PDGFRL: variants seen among roughly 807,000 people sequenced by gnomAD.
The protein encoded by PDGFRL is platelet-derived growth factor receptor-like protein.
PDGFRL carries 46 observed loss-of-function variants against 37.2 expected under a neutral mutation model. That is an observed-to-expected ratio of 1.24 (90% CI 0.98 to 1.58). PDGFRL has a LOEUF of 1.58. PDGFRL is among the 40% of genes most tolerant of loss of function. PDGFRL has a pLI of 0.00. For synonymous variants in PDGFRL, 251 were observed against 184.3 expected (o/e 1.36, Z -2.93); for missense variants, 692 against 467.6 (o/e 1.48, Z -4.43).
intron 2 of PDGFRL, among the ~76,000 whole-genome samples, chr8:17,616,350 G>A (rs1443759945): frequency 2.0e-5 from 3 of 151,874 alleles, no homozygotes; most frequent in Non-Finnish European, 2.9e-5. Context: ...ATGCACCACC[G>A]CGCCCAGCTA....
intron 2 of PDGFRL, among the ~76,000 whole-genome samples, chr8:17,612,091 C>T (rs1050631797): frequency 1.3e-5 from 2 of 152,132 alleles, no homozygotes; most frequent in Non-Finnish European, 2.9e-5. Context: ...TGTTATACTC[C>T]AGTTGGCAGT....
chr8:17,620,191 G>A (rs940838442), intron 2 of PDGFRL, among the ~76,000 whole-genome samples: 13 of 152,114 alleles, frequency 8.5e-5, no homozygotes, highest in African/African-American at 2.9e-4. Flanking sequence ...CAAACTCCTG[G>A]CCTCAAGTTA....
intron 2 of PDGFRL, among the ~76,000 whole-genome samples, chr8:17,590,642 G>A (rs904537460): frequency 2.0e-5 from 3 of 151,796 alleles, no homozygotes; most frequent in Non-Finnish European, 4.4e-5. Flanking sequence ...AACCCGGGAT[G>A]CAGAGGTTAC....
At chr8:17,583,986 C>T (rs1170642525) in intron 1 of PDGFRL, among the ~76,000 whole-genome samples, 5 of 152,136 alleles carry the variant, frequency 3.3e-5, no homozygotes, top group African/African-American at 4.8e-5. Context: ...TTTATAGCCA[C>T]ATAGACGGCC....
At chr8:17,632,633 G>A (rs894828965) in intron 4 of PDGFRL, among the ~76,000 whole-genome samples, 3 of 152,146 alleles carry the variant, frequency 2.0e-5, no homozygotes, top group Non-Finnish European at 4.4e-5. Context: ...CACTGTGCCC[G>A]TTCCCTGATT....
chr8:17,637,436 ACTAT>A (rs1413478886), intron 5 of PDGFRL, among the ~76,000 whole-genome samples: 22 of 152,274 alleles, frequency 1.4e-4, no homozygotes, highest in Admixed American at 4.6e-4. Flanking sequence ...ATCATGGTGG[ACTAT>A]CTATTTGATA....
intron 2 of PDGFRL, among the ~76,000 whole-genome samples, chr8:17,597,365 G>A (rs930658343): frequency 1.3e-5 from 2 of 152,182 alleles, no homozygotes; most frequent in Non-Finnish European, 2.9e-5. Flanking sequence ...CTGGAAGCAC[G>A]ACCACATTTA....
intron 2 of PDGFRL, among the ~76,000 whole-genome samples, chr8:17,592,287 T>C (rs1481970378): frequency 6.6e-6 from 1 of 152,238 alleles, no homozygotes; most frequent in Non-Finnish European, 1.5e-5. Context: ...TTGAGCCTTC[T>C]TCCAGGAATG....
chr8:17,618,028 C>A (rs1023637550), intron 2 of PDGFRL, among the ~76,000 whole-genome samples: 3 of 151,880 alleles, frequency 2.0e-5, no homozygotes, highest in Admixed American at 6.6e-5. Context: ...AATCTAGCTT[C>A]ATCCTTAAAA....
At chr8:17,621,309 C>G (rs895214215) in intron 3 of PDGFRL, 107 bp downstream of exon 3, 2 of 681,252 alleles carry the variant, frequency 2.9e-6, no homozygotes, top group Non-Finnish European at 4.8e-6. Context: ...AATCAGAGCA[C>G]TTCCTGTTTG....
At chr8:17,633,406 T>C (rs1804901754) in intron 4 of PDGFRL, among the ~76,000 whole-genome samples, 2 of 152,110 alleles carry the variant, frequency 1.3e-5, no homozygotes, top group Non-Finnish European at 2.9e-5. Flanking sequence ...CAGGCGCCTG[T>C]AGTCCCAGCT....
At chr8:17,607,465 T>C (rs933047765) in intron 2 of PDGFRL, among the ~76,000 whole-genome samples, 1 of 152,208 alleles carries the variant, frequency 6.6e-6, no homozygotes, top group Admixed American at 6.5e-5. Context: ...GCATTTCTGG[T>C]AAGTCTAGGA....
chr8:17,637,433 T>C (rs1804995075), intron 5 of PDGFRL, among the ~76,000 whole-genome samples: 1 of 152,212 alleles, frequency 6.6e-6, no homozygotes, highest in African/African-American at 2.4e-5. Flanking sequence ...TTGATCATGG[T>C]GGACTATCTA....
chr8:17,585,945 T>G (rs1362444300), intron 1 of PDGFRL, among the ~76,000 whole-genome samples: 3 of 148,616 alleles, frequency 2.0e-5, no homozygotes, highest in Non-Finnish European at 3.0e-5. Context: ...GGTTTTGGGG[T>G]TTTTGTCTGT....
chr8:17,579,654 C>T (rs912365691), intron 1 of PDGFRL, among the ~76,000 whole-genome samples: 1 of 151,778 alleles, frequency 6.6e-6, no homozygotes, highest in Non-Finnish European at 1.5e-5. Flanking sequence ...GCGACTTCCA[C>T]TTGTGCTAGC....
chr8:17,615,774 C>T (rs1005526668), intron 2 of PDGFRL, among the ~76,000 whole-genome samples: 2 of 152,218 alleles, frequency 1.3e-5, no homozygotes, highest in South Asian at 2.1e-4. Flanking sequence ...AAAAATTAGC[C>T]GGATGTGGTG....
intron 5 of PDGFRL, among the ~76,000 whole-genome samples, chr8:17,635,868 T>C (rs1403925542): frequency 1.3e-5 from 2 of 152,256 alleles, no homozygotes; most frequent in Admixed American, 1.3e-4. Context: ...ATTTCCCTAA[T>C]CATTAGTGAT....
chr8:17,594,609 C>T (rs1234455256), intron 2 of PDGFRL, among the ~76,000 whole-genome samples: 1 of 151,654 alleles, frequency 6.6e-6, no homozygotes, highest in African/African-American at 2.4e-5. Flanking sequence ...GGCTGGAGTG[C>T]AGTGGTGCGA....
intron 5 of PDGFRL, among the ~76,000 whole-genome samples, chr8:17,640,080 T>G (rs1458684380): frequency 6.6e-6 from 1 of 152,228 alleles, no homozygotes; most frequent in East Asian, 1.9e-4. Context: ...GCTAAGACTT[T>G]CCAATGTATT....
Sources: allele counts gnomAD v4.1 joint callset (sites outside exome capture counted in the v4.1 genomes callset), GRCh38; gene constraint gnomAD v4.1.1; transcripts MANE v1.5; gene names NCBI Gene and HGNC (gene_info 2026-07-23, HGNC 2026-07-21).